CRPPA: variants seen among roughly 807,000 people sequenced by gnomAD.
The protein encoded by CRPPA is CDP-L-ribitol pyrophosphorylase A, also known as D-ribitol-5-phosphate cytidylyltransferase.
CRPPA carries 43 observed loss-of-function variants against 52.0 expected under a neutral mutation model. That is an observed-to-expected ratio of 0.83 (90% CI 0.65 to 1.07). CRPPA has a LOEUF of 1.07. Ranked by LOEUF, CRPPA falls within the 50% of genes least tolerant of loss-of-function variation. The probability of loss-of-function intolerance (pLI) is 0.00; values close to 1 mark genes in which losing one functional copy is unlikely to be tolerated. For synonymous variants in CRPPA, 250 were observed against 203.5 expected (o/e 1.23, Z -1.94); for missense variants, 629 against 551.7 (o/e 1.14, Z -1.40).
chr7:16,298,712 T>C (rs1784723924), intron 5 of CRPPA, among the ~76,000 whole-genome samples: 1 of 152,220 alleles, frequency 6.6e-6, no homozygotes, highest in Admixed American at 6.5e-5. Flanking sequence ...ACATTATTAT[T>C]GAGTGTGCCT....
intron 9 of CRPPA, among the ~76,000 whole-genome samples, chr7:16,135,372 C>T (rs145391103): frequency 2.6e-5 from 4 of 152,110 alleles, no homozygotes; most frequent in African/African-American, 7.2e-5. Flanking sequence ...GTATATTGAG[C>T]CTTTATGCCT....
intron 6 of CRPPA, among the ~76,000 whole-genome samples, chr7:16,261,533 A>C (rs1783799894): frequency 6.6e-6 from 1 of 151,748 alleles, no homozygotes; most frequent in African/African-American, 2.4e-5. Context: ...CCAATTCTAA[A>C]TTTTTCATTT....
chr7:16,219,620 C>A (rs200881034), intron 8 of CRPPA, among the ~76,000 whole-genome samples: 56,599 of 89,724 alleles, frequency 0.63, 18,407 homozygotes, highest in Middle Eastern at 0.66. Flanking sequence ...TATCACCACC[C>A]ATCCCACAGA....
intron 9 of CRPPA, among the ~76,000 whole-genome samples, chr7:16,192,539 C>T (rs1781636691): frequency 1.3e-5 from 2 of 152,104 alleles, no homozygotes; most frequent in South Asian, 4.1e-4. Context: ...TAGAACATTT[C>T]CATCATCTCT....
intron 9 of CRPPA, among the ~76,000 whole-genome samples, chr7:16,124,115 A>T (rs12056214): frequency 0.99 from 143,698 of 144,536 alleles, 71,442 homozygotes; most frequent in East Asian, 1. Flanking sequence ...TTCTTTTTTT[A>T]TTTTTTTTTT....
At chr7:16,115,352 A>G (rs1782349266) in intron 9 of CRPPA, among the ~76,000 whole-genome samples, 1 of 152,210 alleles carries the variant, frequency 6.6e-6, no homozygotes, top group African/African-American at 2.4e-5. Context: ...TATAAGAAAA[A>G]GGAGAGCTAG....
At chr7:16,390,766 T>A (rs1213543464) in intron 2 of CRPPA, among the ~76,000 whole-genome samples, 2 of 152,118 alleles carry the variant, frequency 1.3e-5, no homozygotes, top group African/African-American at 4.8e-5. Flanking sequence ...AGAACTCCAA[T>A]AACATAATCT....
rs149896034 is a variant in CRPPA, at chr7:16,099,252, CT to C, written c.1252-7454del. Among the ~76,000 whole-genome samples, 743 of 145,184 alleles carry C rather than the reference CT, an allele frequency of 5.1e-3. 13 individuals carry two copies. Among genetic ancestry groups the C allele is most frequent in the African/African-American group, 0.018 (719 of 38,964 alleles). ...TAGGTGACAGAGCAAGACCCTATCT[CT>C]TTAAAAAGAGGAGAGGGAGAGGGGC... On this transcript the variant is annotated intron_variant, in intron 9 of 9. Transcript: ENST00000407010.
At chr7:16,121,832 A>C (rs372746811) in intron 9 of CRPPA, among the ~76,000 whole-genome samples, 10 of 152,170 alleles carry the variant, frequency 6.6e-5, no homozygotes, top group African/African-American at 1.9e-4. Flanking sequence ...ACCAAAACAT[A>C]CATTGATTTG....
chr7:16,384,159 C>G (rs890988750), intron 2 of CRPPA, among the ~76,000 whole-genome samples: 1 of 152,084 alleles, frequency 6.6e-6, no homozygotes, highest in Non-Finnish European at 1.5e-5. Context: ...GTTAGGGCCA[C>G]TCATGATGCA....
chr7:16,147,911 C>T (rs1783004684), intron 9 of CRPPA, among the ~76,000 whole-genome samples: 2 of 152,068 alleles, frequency 1.3e-5, no homozygotes, highest in African/African-American at 2.4e-5. Context: ...TGATTTGGTT[C>T]CTACCCTCAT....
intron 2 of CRPPA, among the ~76,000 whole-genome samples, chr7:16,383,086 A>G (rs536363587): frequency 6.6e-6 from 1 of 152,060 alleles, no homozygotes; most frequent in Non-Finnish European, 1.5e-5. Context: ...TAGAGTTTCC[A>G]GTTTTTCTGC....
intron 3 of CRPPA, among the ~76,000 whole-genome samples, chr7:16,359,229 C>G (rs955647246): frequency 6.6e-6 from 1 of 152,160 alleles, no homozygotes; most frequent in Non-Finnish European, 1.5e-5. Context: ...TCAAGGTGAT[C>G]CTCTGCCTCA....
intron 5 of CRPPA, among the ~76,000 whole-genome samples, chr7:16,295,125 T>C (rs1406780949): frequency 1.3e-5 from 2 of 152,110 alleles, no homozygotes; most frequent in African/African-American, 4.8e-5. Context: ...TTTCAATGTA[T>C]AAATATAAAA....
At chr7:16,233,177 C>T (rs1416806782) in intron 8 of CRPPA, among the ~76,000 whole-genome samples, 1 of 151,782 alleles carries the variant, frequency 6.6e-6, no homozygotes, top group East Asian at 1.9e-4. Context: ...GGAAATTAAA[C>T]AGACCACCAG....
intron 3 of CRPPA, among the ~76,000 whole-genome samples, chr7:16,318,037 T>C (rs933989005): frequency 6.6e-6 from 1 of 152,190 alleles, no homozygotes; most frequent in Non-Finnish European, 1.5e-5. Context: ...TCCTCTGGAA[T>C]TTTCATTGTC....
In CRPPA at chr7:16,306,452, C is replaced by A. The variant is rs77128987; in HGVS notation, c.789+2071G>T. Among the ~76,000 whole-genome samples the A allele has an allele frequency of 5.2e-3, 794 of 152,280 alleles. 8 individuals carry two copies. The highest frequency in any genetic ancestry group is 0.019 in the African/African-American group (772 of 41,540). On this transcript the variant is annotated intron_variant, in intron 4 of 9. Coordinates refer to ENST00000407010, the MANE Select transcript of CRPPA (RefSeq NM_001101426.4). ...AGAACAGAGAAATATAAACACCTCA[C>A]CAAAAAGGAAACACTGAAGATGGAA...
At chr7:16,280,483 G>A (rs978778189) in intron 5 of CRPPA, among the ~76,000 whole-genome samples, 1 of 152,124 alleles carries the variant, frequency 6.6e-6, no homozygotes, top group Non-Finnish European at 1.5e-5. Context: ...AATGTACAAA[G>A]TAATCTGCAA....
intron 4 of CRPPA, among the ~76,000 whole-genome samples, chr7:16,307,526 A>T (rs1001159320): frequency 2.0e-5 from 3 of 151,946 alleles, no homozygotes; most frequent in African/African-American, 7.3e-5. Flanking sequence ...TACTAAAAAT[A>T]CAAAAATTAG....
Sources: allele counts gnomAD v4.1 joint callset (sites outside exome capture counted in the v4.1 genomes callset), GRCh38; gene constraint gnomAD v4.1.1; transcripts MANE v1.5; gene names NCBI Gene and HGNC (gene_info 2026-07-23, HGNC 2026-07-21).